COL3A1: variants seen among roughly 807,000 people sequenced by gnomAD.
The protein encoded by COL3A1 is collagen type III alpha 1 chain, also known as collagen alpha-1(III) chain.
Under a neutral mutation model 200.9 loss-of-function variants are expected in COL3A1, and 46 were observed. That is an observed-to-expected ratio of 0.23 (90% CI 0.18 to 0.29). The LOEUF (loss-of-function observed/expected upper bound fraction) is 0.29. Among genes scored for constraint, COL3A1 ranks in the 10% least tolerant of loss-of-function variants. The pLI, the probability that COL3A1 is intolerant of heterozygous loss-of-function variation, is 1.00. For missense variants in COL3A1, 1,367 were observed against 1,917.6 expected (o/e 0.71, Z 5.36); for synonymous variants, 650 against 628.0 (o/e 1.03, Z -0.52).
chr2:189,007,765 G>T (rs955993439), intron 45 of COL3A1, 120 bp from the exon 46 acceptor site: 11 of 1,336,026 alleles, frequency 8.2e-6, no homozygotes, highest in South Asian at 1.2e-5. Flanking sequence ...ACAATGGGAA[G>T]ATTAAAGAAA....
chr2:189,006,017 C>T (rs1379347261), intron 41 of COL3A1, among the ~76,000 whole-genome samples, 189 bp from the exon 42 acceptor site: 2 of 151,978 alleles, frequency 1.3e-5, no homozygotes, highest in African/African-American at 2.4e-5. Context: ...TCCATGAATA[C>T]ACTAACTATC....
intron 38 of COL3A1, 55 bp from the exon 39 acceptor site, chr2:189,003,927 A>G: frequency 1.3e-6 from 2 of 1,566,742 alleles, no homozygotes; most frequent in African/African-American, 1.4e-5. Context: ...TAAAAAAAGA[A>G]AGAAAAAATG....
chr2:188,998,792 A>G (rs1285254430), intron 29 of COL3A1, 74 bp downstream of exon 29: 15 of 1,352,732 alleles, frequency 1.1e-5, no homozygotes, highest in Admixed American at 1.8e-5. Context: ...TTTTTAGTAT[A>G]TCAAGCCAAA....
chr2:188,996,255 T>A, intron 23 of COL3A1, 77 bp downstream of exon 23: 5 of 963,218 alleles, frequency 5.2e-6, no homozygotes, highest in African/African-American at 2.3e-5. Context: ...CTTGAGTGTG[T>A]GTGTGTGTGT....
rs771429937 is a variant in COL3A1, at chr2:189,006,262, A to G, written c.3093+3A>G. The G allele has an allele frequency of 1.2e-6, 2 of 1,614,096 alleles. No homozygotes were observed. The highest frequency in any genetic ancestry group is 1.7e-6 in the Non-Finnish European group (2 of 1,180,018). ...GAGATGGATCTCCTGGTGGCAAGGT[A>G]TAATAAACACATGTGCAATTGATTT... On this transcript the variant is annotated splice_donor_region_variant and intron_variant, in intron 42 of 50. Coordinates refer to ENST00000304636, the MANE Select transcript of COL3A1 (RefSeq NM_000090.4).
At chr2:188,992,090 C>T in intron 13 of COL3A1, 94 bp from the exon 14 acceptor site, 1 of 1,213,688 alleles carries the variant, frequency 8.2e-7, no homozygotes, top group South Asian at 1.2e-5. Flanking sequence ...TTGAAGAAAA[C>T]TCAACTCACT....
At position 188,993,949 on chromosome 2, in the gene COL3A1, C is replaced by T. The variant is rs548963200; in HGVS notation, c.1150-89C>T. On this transcript the variant is annotated intron_variant, in intron 16 of 50. Transcript: ENST00000304636. Reference sequence around the variant, plus strand: ...AATCTCTACAAAGCATAACACTCATCGATACATTTATTTTCACACAAACAA... The same window carrying T: ...AATCTCTACAAAGCATAACACTCATTGATACATTTATTTTCACACAAACAA... 38 of 1,228,800 alleles carry T rather than the reference C, an allele frequency of 3.1e-5. 1 individual carries two copies. Among genetic ancestry groups the T allele is most frequent in the Admixed American group, 5.6e-5 (3 of 53,198 alleles). 76.1% of individuals were successfully genotyped at this position (1,228,800 alleles called of 1,614,324 possible). A position where few individuals can be genotyped will look rare whatever the true frequency, so the allele number is the denominator to read the frequency against.
intron 10 of COL3A1, 128 bp from the exon 11 acceptor site, chr2:188,990,876 A>T: frequency 1.1e-6 from 1 of 926,414 alleles, no homozygotes; most frequent in Non-Finnish European, 1.8e-6. Flanking sequence ...AACAAGTTTT[A>T]AATTATTTAA....
intron 34 of COL3A1, 93 bp from the exon 35 acceptor site, chr2:189,002,205 G>C: frequency 9.3e-7 from 1 of 1,080,864 alleles, no homozygotes; most frequent in Non-Finnish European, 1.4e-6. Flanking sequence ...CCTGCTTAAA[G>C]GAAAGAAAAG....
intron 1 of COL3A1, among the ~76,000 whole-genome samples, chr2:188,982,379 T>C (rs1007730339): frequency 2.0e-5 from 3 of 151,734 alleles, no homozygotes; most frequent in Non-Finnish European, 4.4e-5. Context: ...AAATGGAAAG[T>C]ACTGTATTTC....
At chr2:188,989,477 A>G (rs774413781) in intron 8 of COL3A1, 28 bp downstream of exon 8, 1 of 1,561,822 alleles carries the variant, frequency 6.4e-7, no homozygotes. Context: ...AAATAAGAAT[A>G]CAGCAAAATT....
chr2:189,008,101 C>T lies in COL3A1; in HGVS notation c.3484C>T (p.Pro1162Ser), dbSNP rs762147747. The part of the protein sequence containing the change: ...GTSGHPGPIG[P>S]PGPRGNRGER... ...CAGTGGACATCCAGGTCCCATTGGA[C>T]CACCAGGGCCTCGAGGTAACAGAGG... Residue 1162 changes from proline (P) to serine (S), a missense_variant, in exon 47 of 51, where the codon CCA (proline) becomes TCA (serine). Physicochemically the swap from Pro to Ser is moderately conservative, Grantham distance 74 (BLOSUM62 -1). Coordinates refer to ENST00000304636, the MANE Select transcript of COL3A1 (RefSeq NM_000090.4). The T allele has an allele frequency of 9.9e-6, 16 of 1,613,882 alleles. 1 individual carries two copies. In the South Asian group the frequency reaches 1.8e-4, roughly 18 times the overall value.
At chr2:188,977,115 T>C (rs2153500432) in intron 1 of COL3A1, among the ~76,000 whole-genome samples, 1 of 152,148 alleles carries the variant, frequency 6.6e-6, no homozygotes, top group East Asian at 1.9e-4. Context: ...CACTTAAAAA[T>C]TCTACATATG....
chr2:189,011,007 G>A (rs1303039923), intron 50 of COL3A1, 117 bp downstream of exon 50: 4 of 1,365,684 alleles, frequency 2.9e-6, no homozygotes, highest in Non-Finnish European at 2.1e-6. Flanking sequence ...ATAGCATTTG[G>A]TATGAATTAC....
At chr2:188,993,837 A>G (rs1688238862) in intron 16 of COL3A1, among the ~76,000 whole-genome samples, 1 of 152,188 alleles carries the variant, frequency 6.6e-6, no homozygotes, top group South Asian at 2.1e-4. Flanking sequence ...AATTTATACG[A>G]AGTACATATT....
At chr2:189,002,487 A>G (rs1450566131) in intron 35 of COL3A1, 136 bp downstream of exon 35, 5 of 774,022 alleles carry the variant, frequency 6.5e-6, no homozygotes, top group East Asian at 5.3e-5. Flanking sequence ...TTGTACCCCT[A>G]TTTTGTTTTA....
At position 189,010,876 on chromosome 2, in the gene COL3A1, G is replaced by C; in HGVS notation, c.4240G>C (p.Glu1414Gln). 6.2e-7 allele frequency: 1 copy of C among 1,614,144 alleles called. No individual in the cohort carries two copies. The highest frequency in any genetic ancestry group is 8.5e-7 in the Non-Finnish European group (1 of 1,179,978). ...TAGCAAATTCACCTACACAGTTCTG[G>C]AGGATGGTTGCACGGTAGGAAACAT... is the stretch of plus-strand genomic sequence containing the variant. ...GNSKFTYTVLEDGCTKHTGEW... is the reference protein window; with the variant it reads ...GNSKFTYTVLQDGCTKHTGEW... Residue 1414 changes from glutamate (E) to glutamine (Q), a missense_variant, in exon 50 of 51, where the codon GAG becomes CAG. Physicochemically the swap from Glu to Gln is conservative, Grantham distance 29. Around this residue, in one of 5 missense-constraint regions of COL3A1, gnomAD observed 846 missense variants for 1,147.9 expected, o/e 0.74. Transcript: ENST00000304636.
intron 10 of COL3A1, 95 bp from the exon 11 acceptor site, chr2:188,990,909 T>A: frequency 7.8e-7 from 1 of 1,276,756 alleles, no homozygotes; most frequent in East Asian, 2.3e-5. Context: ...AGTAGTGTTA[T>A]GAAGACCAAT....
intron 7 of COL3A1, 33 bp downstream of exon 7, chr2:188,988,676 C>T (rs377380502): frequency 4.1e-6 from 6 of 1,478,218 alleles, no homozygotes; most frequent in Middle Eastern, 1.7e-4. Flanking sequence ...TTTAGTAAGT[C>T]GATAATTCCA....
Sources: allele counts gnomAD v4.1 joint callset (sites outside exome capture counted in the v4.1 genomes callset), GRCh38; gene constraint gnomAD v4.1.1; regional missense constraint gnomAD v4.1.1; transcripts MANE v1.5; gene names NCBI Gene and HGNC (gene_info 2026-07-23, HGNC 2026-07-21).